The following MROH1 variants were observed in gnomAD, a reference collection of about 807,000 sequenced individuals.
MROH1 encodes the protein maestro heat-like repeat-containing protein family member 1.
Under a neutral mutation model 116.5 loss-of-function variants are expected in MROH1, and 117 were observed. That is an observed-to-expected ratio of 1.00 (90% confidence interval 0.86 to 1.17). The LOEUF is 1.17. MROH1 is among the 50% of genes most tolerant of loss of function. MROH1 has a pLI of 0.00. For missense variants in MROH1, 1,873 were observed against 1,338.5 expected, an observed-to-expected ratio of 1.40 and a Z score of -6.23; for synonymous variants, 921 against 583.9, an observed-to-expected ratio of 1.58 and a Z score of -8.32.
At chr8:144,162,728 T>A (rs1819862225) in intron 2 of MROH1, among the ~76,000 whole-genome samples, 1 of 151,026 alleles carries the variant, frequency 6.6e-6, no homozygotes, top group Admixed American at 6.6e-5. Flanking sequence ...TTCTTTTGTT[T>A]TTTTTTTTCT....
At chr8:144,227,050 C>T (rs142829618) in intron 14 of MROH1, among the ~76,000 whole-genome samples, 1 of 152,126 alleles carries the variant, frequency 6.6e-6, no homozygotes, top group South Asian at 2.1e-4. Flanking sequence ...CAATTTTGTT[C>T]ATTTCAATTT....
chr8:144,197,560 C>T (rs190063284), intron 10 of MROH1, among the ~76,000 whole-genome samples: 28 of 149,218 alleles, frequency 1.9e-4, no homozygotes, highest in Admixed American at 1.0e-3. Context: ...CTCAGCCTCC[C>T]GAGTAGCTGG....
chr8:144,202,086 A>AAAG (rs1303105863), intron 12 of MROH1, among the ~76,000 whole-genome samples: 2 of 151,828 alleles, frequency 1.3e-5, no homozygotes, highest in Non-Finnish European at 2.9e-5. Context: ...CCACAGTGCG[A>AAAG]AAGTCACCAG....
rs1350707706 is a variant in MROH1 at position 144,259,310 on chromosome 8, G to A, written c.4000G>A (p.Ala1334Thr). Residue 1334 changes from alanine to threonine, a missense_variant, in exon 37 of 44, where the codon GCG (alanine) becomes ACG (threonine). Physicochemically the swap from Ala to Thr is moderately conservative, Grantham distance 58 (BLOSUM62 0). Coordinates refer to ENST00000326134, the MANE Select transcript of MROH1 (RefSeq NM_032450.3). ...GACGCTGGCATGCACACACAGCAGT[G>A]CGTATGAGAACCAGAGGGTGACCAC... ...LKTLACTHSSAYENQRVTTTA... is the reference protein window; with the variant it reads ...LKTLACTHSSTYENQRVTTTA... 8.4e-6 allele frequency: 6 copies of A among 715,024 alleles called. No individual in the cohort carries two copies. In the African/African-American group the frequency reaches 1.0e-4, roughly 13 times the overall value. The allele number at this position is 715,024 out of a possible 1,614,324, so 44.3% of individuals were successfully genotyped here.
At chr8:144,232,695 G>A (rs1366093818) in intron 14 of MROH1, among the ~76,000 whole-genome samples, 3 of 148,368 alleles carry the variant, frequency 2.0e-5, no homozygotes, top group Non-Finnish European at 2.9e-5. Flanking sequence ...GGTTTTCACC[G>A]TGTTAGCTAG....
At position 144,179,451 on chromosome 8, in the gene MROH1, G is replaced by C. The variant is rs373918731; in HGVS notation, c.169-4G>C. The stretch of plus-strand genomic sequence containing the variant: ...GGACCGACCTGGACGGTGTCTCTCC[G>C]CAGCTGGCACACCCATACCGAGCAG... On this transcript the variant is annotated splice_polypyrimidine_tract_variant and splice_region_variant and intron_variant, in intron 4 of 43. Transcript: ENST00000326134. The C allele has an allele frequency of 6.2e-7, 1 of 1,613,132 alleles. No homozygotes were observed.
At position 144,259,170 on chromosome 8, in the gene MROH1, G is replaced by A. The variant is rs915317953; in HGVS notation, c.3930-70G>A. The A allele has an allele frequency of 2.0e-5, 14 of 703,960 alleles. No homozygotes were observed. In the Admixed American group the frequency reaches 2.8e-4, roughly 14 times the overall value. The allele number at this position is 703,960 out of a possible 1,614,324, so 43.6% of individuals were successfully genotyped here. ...CGGTGGAGCGGACCAGGGCTGTGCAGGGTGGAAGGTGCCTGGGTAGGGTTC... is the reference window on the plus strand; with the variant it reads ...CGGTGGAGCGGACCAGGGCTGTGCAAGGTGGAAGGTGCCTGGGTAGGGTTC... On this transcript the variant is annotated intron_variant, in intron 36 of 43. Transcript: ENST00000326134.
intron 35 of MROH1, among the ~76,000 whole-genome samples, chr8:144,256,213 G>A (rs1306435830): frequency 6.6e-6 from 1 of 152,174 alleles, no homozygotes; most frequent in African/African-American, 2.4e-5. Context: ...AGCACAGACA[G>A]AGGAGGCTGA....
At chr8:144,223,335 G>C (rs1837192400) in intron 14 of MROH1, 105 bp downstream of exon 14, 1 of 1,417,910 alleles carries the variant, frequency 7.1e-7, no homozygotes, top group South Asian at 1.3e-5. Flanking sequence ...GGATATGTGG[G>C]CTGCAGTCTG....
chr8:144,258,706 C>A (rs1183309208), intron 35 of MROH1, 71 bp from the exon 36 acceptor site: 11 of 710,044 alleles, frequency 1.5e-5, no homozygotes, highest in Non-Finnish European at 2.6e-5. Flanking sequence ...TGGGTGCAGA[C>A]CTGAGGAGTT....
At chr8:144,183,316 G>A (rs1826140100) in intron 7 of MROH1, among the ~76,000 whole-genome samples, 1 of 151,374 alleles carries the variant, frequency 6.6e-6, no homozygotes, top group Non-Finnish European at 1.5e-5. Flanking sequence ...GGGAAGTCGA[G>A]GCTGCAGTGA....
intron 26 of MROH1, 97 bp from the exon 27 acceptor site, chr8:144,244,125 T>C: frequency 1.4e-6 from 1 of 701,176 alleles, no homozygotes; most frequent in Non-Finnish European, 2.6e-6. Context: ...AGAGTAAACA[T>C]GGCAGTGGCT....
chr8:144,218,228 A>G (rs1835706645), intron 12 of MROH1, among the ~76,000 whole-genome samples: 2 of 152,116 alleles, frequency 1.3e-5, no homozygotes, highest in South Asian at 2.1e-4. Flanking sequence ...GTGCAGGAAC[A>G]TTACCCGAGA....
rs1015287762 is a variant in MROH1 at position 144,199,314 on chromosome 8, C to G, written c.1027+114C>G. On this transcript the variant is annotated intron_variant, in intron 11 of 43. Transcript: ENST00000326134. ...GGTACTGGTCGGGGATGAGGAGGCC[C>G]CTGTTTCCACCTCTCCTGGGCCTAC... 5 of 1,027,398 alleles carry G rather than the reference C, an allele frequency of 4.9e-6. No homozygotes were observed. The African/African-American group carries it at 7.9e-5, about 16-fold the overall frequency. The allele number at this position is 1,027,398 out of a possible 1,614,324, so 63.6% of individuals were successfully genotyped here.
chr8:144,255,558 C>T lies in MROH1; in HGVS notation c.3644C>T (p.Ala1215Val), dbSNP rs1000058845. Residue 1215 changes from alanine (A) to valine (V), a missense_variant, in exon 35 of 44, where the codon GCG (alanine) becomes GTG (valine). Physicochemically the swap from Ala to Val is moderately conservative, Grantham distance 64. Transcript: ENST00000326134. ...EVMSTPAAGP[A>V]VLELYPQLFV... is the part of the protein sequence containing the mutation. ...ATGTCCACGCCTGCAGCGGGGCCCG[C>T]GGTGCTCGAGCTCTACCCCCAGCTG... is the stretch of plus-strand genomic sequence containing the variant. 116 of 779,368 alleles carry T rather than the reference C, an allele frequency of 1.5e-4. No homozygotes were observed. Among genetic ancestry groups the T allele is most frequent in the Admixed American group, 6.9e-4 (41 of 59,028 alleles). The allele number at this position is 779,368 out of a possible 1,614,324, so 48.3% of individuals were successfully genotyped here.
At chr8:144,215,859 C>T (rs182932527) in intron 12 of MROH1, among the ~76,000 whole-genome samples, 11 of 136,940 alleles carry the variant, frequency 8.0e-5, no homozygotes, top group East Asian at 2.1e-4. Flanking sequence ...GGTGATAGAG[C>T]GAGACTCTGT....
chr8:144,190,167 CTCT>C (rs968327088), intron 7 of MROH1, among the ~76,000 whole-genome samples: 2 of 152,208 alleles, frequency 1.3e-5, no homozygotes, highest in Non-Finnish European at 2.9e-5. Flanking sequence ...GCCTCTGCAT[CTCT>C]TCTTATAAGG....
intron 7 of MROH1, among the ~76,000 whole-genome samples, chr8:144,189,330 G>T (rs573779210): frequency 6.6e-6 from 1 of 152,180 alleles, no homozygotes; most frequent in Non-Finnish European, 1.5e-5. Context: ...TCCAGTTTCT[G>T]CGTCTCCGCC....
intron 12 of MROH1, among the ~76,000 whole-genome samples, chr8:144,202,474 G>A (rs1366331857): frequency 6.8e-6 from 1 of 146,558 alleles, no homozygotes; most frequent in Non-Finnish European, 1.5e-5. Context: ...AGAGGGAAGC[G>A]CAGGCTCTCT....
Sources: allele counts gnomAD v4.1 joint callset (sites outside exome capture counted in the v4.1 genomes callset), GRCh38; gene constraint gnomAD v4.1.1; transcripts MANE v1.5; gene names NCBI Gene and HGNC (gene_info 2026-07-23, HGNC 2026-07-21).